The following NSUN6 variants were observed in gnomAD, a reference collection of about 807,000 sequenced individuals.
The protein encoded by NSUN6 is tRNA (cytosine(72)-C(5))-methyltransferase NSUN6.
A neutral mutation model predicts 58.0 loss-of-function variants in NSUN6; 64 were observed. The observed-to-expected ratio is 1.10, with a 90% CI of 0.90 to 1.36. The LOEUF (loss-of-function observed/expected upper bound fraction) is 1.36, where lower values mean the gene tolerates loss of function less well. Ranked by LOEUF, NSUN6 falls within the 40% of genes most tolerant of loss-of-function variation. The pLI is 0.00. For missense variants in NSUN6, 701 were observed against 550.1 expected (o/e 1.27, Z -2.74); for synonymous variants, 231 against 193.9 (o/e 1.19, Z -1.59).
chr10:18,603,459 T>C (rs2131274188), intron 6 of NSUN6, among the ~76,000 whole-genome samples: 1 of 149,110 alleles, frequency 6.7e-6, no homozygotes, highest in East Asian at 1.9e-4. Flanking sequence ...TGCACGCTCT[T>C]TTTCTTTTCT....
Position 18,585,968 on chromosome 10 carries a change from A to T in NSUN6, c.903T>A (p.Asp301Glu). The T allele has an allele frequency of 6.2e-7, 1 of 1,607,354 alleles. No homozygotes were observed. Among genetic ancestry groups the T allele is most frequent in the Non-Finnish European group, 8.5e-7 (1 of 1,178,410 alleles). Residue 301 changes from aspartate (D) to glutamate (E), a missense_variant, in exon 8 of 11, where the codon GAT (aspartate) becomes GAA (glutamate). Physicochemically the swap from Asp to Glu is conservative, Grantham distance 45. Coordinates refer to ENST00000377304, the MANE Select transcript of NSUN6 (RefSeq NM_182543.5). ...GCTCACCTTCTGTGTCCTCCACCATATCAAGTTTAACCGCCTTTGTTCCAT... is the reference window on the plus strand; with the variant it reads ...GCTCACCTTCTGTGTCCTCCACCATTTCAAGTTTAACCGCCTTTGTTCCAT... ...CFDGTKAVKLDMVEDTEGEPP... is the reference protein window; with the variant it reads ...CFDGTKAVKLEMVEDTEGEPP...
At chr10:18,592,536 A>C (rs1389109072) in intron 7 of NSUN6, among the ~76,000 whole-genome samples, 1 of 152,202 alleles carries the variant, frequency 6.6e-6, no homozygotes, top group African/African-American at 2.4e-5. Context: ...CCAATGTAAC[A>C]GAACAGAGAC....
At chr10:18,659,293 T>C (rs2131632494), upstream of NSUN6, 1 of 287,770 alleles carries the variant, frequency 3.5e-6, no homozygotes, top group East Asian at 6.3e-5. Context: ...TGCGCCGTCG[T>C]CACGCGCCTA....
chr10:18,580,138 G>A (rs764926405), intron 8 of NSUN6, among the ~76,000 whole-genome samples: 37 of 152,142 alleles, frequency 2.4e-4, no homozygotes, highest in Admixed American at 7.9e-4. Flanking sequence ...AGACGCTCTC[G>A]CCAGCGGCAA....
chr10:18,574,057 A>G lies in NSUN6; in HGVS notation c.922+11892T>C, dbSNP rs148311447. Among the ~76,000 whole-genome samples, 597 of 152,194 alleles carry G rather than the reference A, an allele frequency of 3.9e-3. 7 individuals carry two copies. The highest frequency in any genetic ancestry group is 0.014 in the African/African-American group (572 of 41,544). On this transcript the variant is annotated intron_variant, in intron 8 of 10. Transcript: ENST00000377304. ...TAGCCTTACTCTCCCCAGAAAAGCC[A>G]TTCCACCTTTTTGTTAATGTGGACA...
At chr10:18,592,870 T>A (rs1176021305) in intron 7 of NSUN6, among the ~76,000 whole-genome samples, 1 of 152,100 alleles carries the variant, frequency 6.6e-6, no homozygotes, top group African/African-American at 2.4e-5. Flanking sequence ...GGGATCTAAT[T>A]AAACTAAAGA....
intron 3 of NSUN6, among the ~76,000 whole-genome samples, chr10:18,629,412 T>C (rs1226711170): frequency 4.0e-5 from 6 of 151,348 alleles, no homozygotes; most frequent in Admixed American, 2.0e-4. Context: ...CAATATTAAC[T>C]TTAAATGTAA....
At chr10:18,566,239 A>T in intron 8 of NSUN6, among the ~76,000 whole-genome samples, 1 of 140,864 alleles carries the variant, frequency 7.1e-6, no homozygotes. Flanking sequence ...TCCGCAATCC[A>T]TTCCATTCCA....
In NSUN6 at chr10:18,651,374, C is replaced by T; in HGVS notation, c.-171G>A. 1 of 1,322,456 alleles carries T rather than the reference C, an allele frequency of 7.6e-7. No homozygotes were observed. The highest frequency in any genetic ancestry group is 9.6e-7 in the Non-Finnish European group (1 of 1,040,856). 81.9% of individuals were successfully genotyped at this position (1,322,456 alleles called of 1,614,324 possible). A position where few individuals can be genotyped will look rare whatever the true frequency, so the allele number is the denominator to read the frequency against. On this transcript the variant is annotated 5_prime_UTR_variant, in exon 1 of 11. Transcript: ENST00000377304. Reference sequence around the variant, plus strand: ...ATGCAGAGGTACACGCTTTCTCAAGCCTAGCCGATTAGAAGGGGCTGCCGG... The same window carrying T: ...ATGCAGAGGTACACGCTTTCTCAAGTCTAGCCGATTAGAAGGGGCTGCCGG...
intron 8 of NSUN6, among the ~76,000 whole-genome samples, chr10:18,583,905 C>T (rs564485535): frequency 1.3e-5 from 2 of 152,232 alleles, no homozygotes; most frequent in East Asian, 3.9e-4. Context: ...CTCCCCTTTC[C>T]CTATTCCCCG....
chr10:18,635,462 T>A (rs1171087329), intron 3 of NSUN6, among the ~76,000 whole-genome samples: 2 of 152,030 alleles, frequency 1.3e-5, no homozygotes, highest in East Asian at 3.9e-4. Context: ...TAACAGAGAA[T>A]ACAGAAAAGG....
rs71402186 is a variant in NSUN6, at chr10:18,601,521, T to TCCCTAGTGAGGAAAACCA, written c.658-5195_658-5194insTGGTTTTCCTCACTAGGG. Among the ~76,000 whole-genome samples, 3 of 151,832 alleles carry TCCCTAGTGAGGAAAACCA rather than the reference T, an allele frequency of 2.0e-5. No individual in the cohort carries two copies. The East Asian group carries it at 5.9e-4, about 30-fold the overall frequency. ...TGAGATGTGGCAGGAGTAATTTTCCTAGTGGCTGGACTAAGACATAACAGT... is the reference window on the plus strand; with the variant it reads ...TGAGATGTGGCAGGAGTAATTTTCCTCCCTAGTGAGGAAAACCAAGTGGCTGGACTAAGACATAACAGT... On this transcript the variant is annotated intron_variant, in intron 6 of 10. Transcript: ENST00000377304.
At chr10:18,626,016 A>G (rs2058788891) in intron 3 of NSUN6, among the ~76,000 whole-genome samples, 1 of 152,170 alleles carries the variant, frequency 6.6e-6, no homozygotes, top group South Asian at 2.1e-4. Context: ...GGCAACAGGC[A>G]GACATTCTCA....
intron 8 of NSUN6, among the ~76,000 whole-genome samples, chr10:18,557,639 G>T (rs1264372522): frequency 1.4e-5 from 2 of 145,800 alleles, no homozygotes. Flanking sequence ...AGTGGAGAAT[G>T]GAAAAGAGCA....
At chr10:18,632,708 G>A (rs1392999121) in intron 3 of NSUN6, among the ~76,000 whole-genome samples, 4 of 152,236 alleles carry the variant, frequency 2.6e-5, no homozygotes, top group South Asian at 2.1e-4. Flanking sequence ...ACAATGAGAT[G>A]CCATCTCACA....
At chr10:18,597,490 C>T (rs948443097) in intron 6 of NSUN6, among the ~76,000 whole-genome samples, 4 of 152,148 alleles carry the variant, frequency 2.6e-5, no homozygotes, top group African/African-American at 7.2e-5. Context: ...TGTGAGATGG[C>T]CAGGAGTGCT....
chr10:18,614,903 CA>C (rs2058357187), intron 4 of NSUN6, among the ~76,000 whole-genome samples: 1 of 152,180 alleles, frequency 6.6e-6, no homozygotes, highest in East Asian at 1.9e-4. Context: ...TTATTTCCCC[CA>C]AGCCTTAAAA....
intron 8 of NSUN6, among the ~76,000 whole-genome samples, chr10:18,581,753 G>A (rs917454468): frequency 2.6e-5 from 4 of 151,724 alleles, no homozygotes; most frequent in Non-Finnish European, 5.9e-5. Flanking sequence ...TTGAACCCGG[G>A]AGGCGGAGGC....
intron 3 of NSUN6, among the ~76,000 whole-genome samples, chr10:18,627,436 G>T (rs2058851209): frequency 6.6e-6 from 1 of 152,208 alleles, no homozygotes; most frequent in Admixed American, 6.5e-5. Context: ...AACAGCTCCG[G>T]TCTACAGCTC....
Sources: allele counts gnomAD v4.1 joint callset (sites outside exome capture counted in the v4.1 genomes callset), GRCh38; gene constraint gnomAD v4.1.1; transcripts MANE v1.5; gene names NCBI Gene and HGNC (gene_info 2026-07-23, HGNC 2026-07-21).